The following EML6 variants were observed in gnomAD, a reference collection of about 807,000 sequenced individuals.
EML6 encodes EMAP like 6, also known as echinoderm microtubule-associated protein-like 6.
In EML6, 154 loss-of-function variants were observed where a neutral mutation model predicts 240.1. The ratio of observed to expected loss-of-function variants is 0.64; its 90% CI spans 0.56 to 0.73. The LOEUF is 0.73. Among genes scored for constraint, EML6 ranks in the 30% least tolerant of loss-of-function variants. The pLI, the probability that EML6 is intolerant of heterozygous loss-of-function variation, is 0.00. For missense variants in EML6, 2,964 were observed against 2,474.6 expected (o/e 1.20, Z -4.20); for synonymous variants, 1,148 against 899.0 (o/e 1.28, Z -4.95).
chr2:54,943,368 C>G lies in EML6; in HGVS notation c.4005-5514C>G, dbSNP rs575579604. ...TCATCTGTGTCTCCTGTGTCACTCTCCCACAGCCAGATCCATGTCCTCAAC... is the reference window on the plus strand; with the variant it reads ...TCATCTGTGTCTCCTGTGTCACTCTGCCACAGCCAGATCCATGTCCTCAAC... On this transcript the variant is annotated intron_variant, in intron 28 of 41. Coordinates refer to ENST00000356458, the MANE Select transcript of EML6 (RefSeq NM_001039753.4). Among the ~76,000 whole-genome samples the G allele has an allele frequency of 1.1e-3, 165 of 152,290 alleles. 1 individual carries two copies. Among genetic ancestry groups the G allele is most frequent in the Middle Eastern group, 3.4e-3 (1 of 294 alleles).
chr2:54,829,001 C>T (rs529516371), intron 6 of EML6, among the ~76,000 whole-genome samples: 17 of 152,324 alleles, frequency 1.1e-4, no homozygotes, highest in Admixed American at 6.5e-4. Context: ...GAAACACCTC[C>T]ATAGTTGTCT....
At chr2:54,755,251 C>T (rs1230870578) in intron 2 of EML6, among the ~76,000 whole-genome samples, 1 of 152,192 alleles carries the variant, frequency 6.6e-6, no homozygotes, top group Non-Finnish European at 1.5e-5. Flanking sequence ...TGCACTGACG[C>T]CACGCTGTTT....
In EML6 at chr2:54,956,882, G is replaced by A. The variant is rs763254309; in HGVS notation, c.4487-908G>A. Among the ~76,000 whole-genome samples the A allele has an allele frequency of 3.9e-5, 6 of 152,260 alleles. No individual in the cohort carries two copies. The East Asian group carries it at 9.6e-4, about 24-fold the overall frequency. ...GGTTTAAAACAAAAATTTAAAACTCGAGAGCTTAAAAATAATGAGATTAAA... is the reference window on the plus strand; with the variant it reads ...GGTTTAAAACAAAAATTTAAAACTCAAGAGCTTAAAAATAATGAGATTAAA... On this transcript the variant is annotated intron_variant, in intron 32 of 41. Coordinates refer to ENST00000356458, the MANE Select transcript of EML6 (RefSeq NM_001039753.4).
intron 28 of EML6, among the ~76,000 whole-genome samples, chr2:54,938,450 G>C (rs1675264415): frequency 6.6e-6 from 1 of 152,160 alleles, no homozygotes; most frequent in African/African-American, 2.4e-5. Context: ...GAGACATACA[G>C]CCATGCTTAT....
At chr2:54,801,035 T>C (rs1303807981) in intron 2 of EML6, among the ~76,000 whole-genome samples, 1 of 152,088 alleles carries the variant, frequency 6.6e-6, no homozygotes, top group Non-Finnish European at 1.5e-5. Context: ...AAGTCGCTCA[T>C]TGAGGCCGGG....
chr2:54,789,230 C>T (rs1463472494), intron 2 of EML6, among the ~76,000 whole-genome samples: 2 of 151,142 alleles, frequency 1.3e-5, no homozygotes, highest in African/African-American at 4.9e-5. Flanking sequence ...AATGTGCTTT[C>T]CGGCCGGGCG....
At chr2:54,905,449 T>C (rs910853538) in intron 24 of EML6, among the ~76,000 whole-genome samples, 1 of 151,958 alleles carries the variant, frequency 6.6e-6, no homozygotes, top group African/African-American at 2.4e-5. Context: ...TTATTGTTTC[T>C]ATTACGGAGT....
intron 28 of EML6, among the ~76,000 whole-genome samples, chr2:54,932,742 G>T (rs1035336722): frequency 6.6e-6 from 1 of 152,168 alleles, no homozygotes; most frequent in Non-Finnish European, 1.5e-5. Flanking sequence ...CCTGTATTCA[G>T]ACTTCGGTAA....
intron 9 of EML6, among the ~76,000 whole-genome samples, chr2:54,848,209 T>C (rs958652183): frequency 6.6e-6 from 1 of 152,188 alleles, no homozygotes; most frequent in Non-Finnish European, 1.5e-5. Flanking sequence ...CTATATACTT[T>C]TTACTGAAAA....
chr2:54,890,003 G>C (rs1340100769), intron 17 of EML6, among the ~76,000 whole-genome samples: 2 of 152,194 alleles, frequency 1.3e-5, no homozygotes, highest in Admixed American at 6.5e-5. Context: ...CAATGACAAA[G>C]TACAGGGAAA....
At chr2:54,846,165 C>T in intron 8 of EML6, among the ~76,000 whole-genome samples, 1 of 152,074 alleles carries the variant, frequency 6.6e-6, no homozygotes, top group East Asian at 1.9e-4. Context: ...GTGTCCACCC[C>T]CACAAAAGTG....
intron 2 of EML6, among the ~76,000 whole-genome samples, chr2:54,803,986 T>G (rs905744469): frequency 6.6e-6 from 1 of 152,230 alleles, no homozygotes; most frequent in Non-Finnish European, 1.5e-5. Context: ...TAATGCAGCC[T>G]TAATCTTGTG....
At chr2:54,904,426 C>G (rs932023502) in intron 24 of EML6, among the ~76,000 whole-genome samples, 19 of 152,128 alleles carry the variant, frequency 1.2e-4, no homozygotes, top group Non-Finnish European at 2.5e-4. Context: ...AGCACCAAGC[C>G]CAATGTATGC....
At position 54,850,136 on chromosome 2, in the gene EML6, C is replaced by A; in HGVS notation, c.1362C>A (p.Ile454=). 1 of 1,551,770 alleles carries A rather than the reference C, an allele frequency of 6.4e-7. No individual in the cohort carries two copies. Reference sequence around the variant, plus strand: ...AATGCAGCAAGTCCCTTAGTTTCATCACGCATATTGACTGGTCCTTGGATA... The same window carrying A: ...AATGCAGCAAGTCCCTTAGTTTCATAACGCATATTGACTGGTCCTTGGATA... ...IGECSKSLSF[I]THIDWSLDSK... The change falls in exon 10 of 42, where the codon ATC becomes ATA. Residue 454 remains isoleucine, a synonymous_variant. Transcript: ENST00000356458.
In EML6 at chr2:54,916,746, C is replaced by A; in HGVS notation, c.3499-13C>A. ...GTTGTGCAAAAATATCATTCTCTTT[C>A]GTTCTTTTTCAGATCGAGAAGATAG... On this transcript the variant is annotated splice_polypyrimidine_tract_variant and intron_variant, in intron 25 of 41. Transcript: ENST00000356458. 1 of 1,476,276 alleles carries A rather than the reference C, an allele frequency of 6.8e-7. No individual in the cohort carries two copies. Among genetic ancestry groups the A allele is most frequent in the Non-Finnish European group, 9.1e-7 (1 of 1,098,458 alleles). 91.4% of individuals were successfully genotyped at this position (1,476,276 alleles called of 1,614,324 possible). A position where few individuals can be genotyped will look rare whatever the true frequency, so the allele number is the denominator to read the frequency against.
intron 26 of EML6, among the ~76,000 whole-genome samples, chr2:54,919,592 G>A (rs527727394): frequency 1.3e-5 from 2 of 152,228 alleles, no homozygotes; most frequent in African/African-American, 4.8e-5. Context: ...TATTTGATCA[G>A]AATTTAGTTC....
At chr2:54,731,955 C>T (rs6740110) in intron 2 of EML6, among the ~76,000 whole-genome samples, 8 of 152,164 alleles carry the variant, frequency 5.3e-5, no homozygotes, top group Non-Finnish European at 1.0e-4. Flanking sequence ...TCCTCCACAT[C>T]GTCAAGATTT....
chr2:54,894,754 A>G (rs1672670569), intron 19 of EML6, among the ~76,000 whole-genome samples, 161 bp from the exon 20 acceptor site: 1 of 152,170 alleles, frequency 6.6e-6, no homozygotes, highest in Admixed American at 6.5e-5. Flanking sequence ...TGCTCCCAAA[A>G]AATATTATTC....
chr2:54,773,999 A>G (rs1572880579), intron 2 of EML6, among the ~76,000 whole-genome samples: 2 of 152,144 alleles, frequency 1.3e-5, no homozygotes, highest in Non-Finnish European at 2.9e-5. Context: ...CTCCCACTCC[A>G]GCCTTCATGT....
Sources: gnomAD v4.1 joint callset for allele counts (sites outside exome capture counted in the v4.1 genomes callset) on GRCh38, gnomAD v4.1.1 for gene constraint, MANE v1.5 for transcripts, NCBI Gene and HGNC (gene_info 2026-07-23, HGNC 2026-07-21) for gene names.